Variants in GPHN observed in about 807,000 individuals in gnomAD.
The protein encoded by GPHN is gephyrin.
Under a neutral mutation model 95.5 loss-of-function variants are expected in GPHN, and 17 were observed. That is an observed-to-expected ratio of 0.18 (90% confidence interval 0.12 to 0.27). The LOEUF (loss-of-function observed/expected upper bound fraction) is 0.27, where lower values mean the gene tolerates loss of function less well. Ranked by LOEUF, GPHN falls within the 10% of genes least tolerant of loss-of-function variation. GPHN has a pLI of 1.00. For missense variants in GPHN, 660 were observed against 978.1 expected (o/e 0.67, Z 4.34); for synonymous variants, 320 against 322.5 (o/e 0.99, Z 0.08).
the GPHN span, among the ~76,000 whole-genome samples, chr14:67,406,288 G>C: frequency 2.0e-5 from 3 of 152,012 alleles, no homozygotes; most frequent in African/African-American, 7.2e-5. Flanking sequence ...TAACTTTTGG[G>C]ATAATTTGTT....
At chr14:67,320,394 C>A in the GPHN span, 1 of 1,597,188 alleles carries the variant, frequency 6.3e-7, no homozygotes, top group African/African-American at 1.3e-5. Flanking sequence ...ATCTGCAGTT[C>A]CTCGTAAGTT....
the GPHN span, among the ~76,000 whole-genome samples, chr14:67,205,464 G>A: frequency 2.0e-5 from 3 of 152,188 alleles, no homozygotes; most frequent in African/African-American, 7.2e-5. Flanking sequence ...TTAATACAAT[G>A]TAAGGGTTAA....
rs199888932 is a variant in GPHN at position 67,063,590 on chromosome 14, G to A, written c.1144+4804G>A. Among the ~76,000 whole-genome samples the A allele has an allele frequency of 2.5e-4, 38 of 152,204 alleles. No homozygotes were observed. In the East Asian group the frequency reaches 5.6e-3, roughly 22 times the overall value. ...ATGGAATGTTCTTCCATTTGTTTGT[G>A]TCCTCTTTTATTTCATTGAGCAGTA... On this transcript the variant is annotated intron_variant, in intron 11 of 22. Transcript: ENST00000478722.
chr14:66,658,219 T>G (rs889176284), intron 1 of GPHN, among the ~76,000 whole-genome samples: 1 of 152,202 alleles, frequency 6.6e-6, no homozygotes, highest in Non-Finnish European at 1.5e-5. Context: ...ACTGAATTTC[T>G]GCAATCTCAT....
intron 2 of GPHN, among the ~76,000 whole-genome samples, chr14:66,687,349 A>G (rs1201407584): frequency 6.6e-6 from 1 of 152,068 alleles, no homozygotes; most frequent in Non-Finnish European, 1.5e-5. Context: ...ATGGTTTCAT[A>G]CCAATTTTAG....
chr14:67,320,911 G>T, the GPHN span: 1 of 672,302 alleles, frequency 1.5e-6, no homozygotes, highest in Non-Finnish European at 2.5e-6. Flanking sequence ...TAAAAACAAT[G>T]TTAAACATGT....
At chr14:66,512,080 G>A (rs959076066) in intron 1 of GPHN, among the ~76,000 whole-genome samples, 2 of 151,816 alleles carry the variant, frequency 1.3e-5, no homozygotes, top group African/African-American at 4.8e-5. Flanking sequence ...GAGACTAGAG[G>A]TAATATGGTA....
At chr14:67,031,448 A>G (rs954739136) in intron 10 of GPHN, among the ~76,000 whole-genome samples, 2 of 152,166 alleles carry the variant, frequency 1.3e-5, no homozygotes, top group African/African-American at 4.8e-5. Flanking sequence ...CTTTCTTTAT[A>G]TAACTAAGGA....
chr14:66,548,764 A>G (rs1473422270), intron 1 of GPHN, among the ~76,000 whole-genome samples: 1 of 152,248 alleles, frequency 6.6e-6, no homozygotes, highest in Non-Finnish European at 1.5e-5. Flanking sequence ...AAGCTTAGTG[A>G]GGAAGGAATA....
the GPHN span, among the ~76,000 whole-genome samples, chr14:67,704,883 T>G: frequency 7.9e-5 from 12 of 152,278 alleles, no homozygotes; most frequent in South Asian, 2.5e-3. Flanking sequence ...ACTTCATTGA[T>G]TTCAGGAGGA....
the GPHN span, chr14:67,336,494 A>C: frequency 7.2e-6 from 2 of 276,064 alleles, no homozygotes; most frequent in Non-Finnish European, 7.2e-6. Context: ...GCCACAGGAG[A>C]AATCTAGGGT....
the GPHN span, among the ~76,000 whole-genome samples, chr14:67,697,105 T>C: frequency 1.3e-5 from 2 of 152,250 alleles, no homozygotes; most frequent in Non-Finnish European, 2.9e-5. Context: ...GGCATTCCTA[T>C]AGTGTACTAG....
intron 5 of GPHN, among the ~76,000 whole-genome samples, chr14:66,903,540 G>A (rs1361866730): frequency 6.6e-6 from 1 of 152,110 alleles, no homozygotes; most frequent in Non-Finnish European, 1.5e-5. Context: ...TGTCTTTAGA[G>A]ACGAAGTGGA....
the GPHN span, among the ~76,000 whole-genome samples, chr14:67,511,396 A>G: frequency 6.6e-6 from 1 of 152,206 alleles, no homozygotes. Flanking sequence ...AAGATGGAGC[A>G]GCCGGAAGGA....
chr14:66,996,578 A>G (rs2071812567), intron 9 of GPHN, among the ~76,000 whole-genome samples: 2 of 152,176 alleles, frequency 1.3e-5, no homozygotes, highest in African/African-American at 4.8e-5. Context: ...CAGTTTGTAT[A>G]TCTATATATG....
intron 10 of GPHN, among the ~76,000 whole-genome samples, chr14:67,055,493 G>C (rs1023392559): frequency 6.6e-6 from 1 of 152,186 alleles, no homozygotes; most frequent in Non-Finnish European, 1.5e-5. Flanking sequence ...AGACAGTGTG[G>C]TGATTCCTCA....
At chr14:67,366,212 C>G in the GPHN span, among the ~76,000 whole-genome samples, 1 of 151,844 alleles carries the variant, frequency 6.6e-6, no homozygotes, top group Non-Finnish European at 1.5e-5. Context: ...TCCCAAGTAG[C>G]TGGAACTACA....
the GPHN span, chr14:67,593,560 G>A: frequency 4.4e-3 from 2,484 of 567,242 alleles, 41 homozygotes; most frequent in African/African-American, 0.04. Flanking sequence ...AGTTGGTCTT[G>A]AAGATAAAGT....
the GPHN span, among the ~76,000 whole-genome samples, chr14:67,225,626 T>C: frequency 1.3e-5 from 2 of 152,144 alleles, no homozygotes; most frequent in Admixed American, 1.3e-4. Flanking sequence ...TTTTTTTTCA[T>C]AGCAAAATGA....
Sources: gnomAD v4.1 joint callset for allele counts (sites outside exome capture counted in the v4.1 genomes callset) on GRCh38, gnomAD v4.1.1 for gene constraint, MANE v1.5 for transcripts, NCBI Gene and HGNC (gene_info 2026-07-23, HGNC 2026-07-21) for gene names.